The following WBP4 variants were observed in gnomAD, a reference collection of about 807,000 sequenced individuals.
WBP4 encodes the protein WW domain binding protein 4.
In WBP4, 37 loss-of-function variants were observed where a neutral mutation model predicts 55.4. The ratio of observed to expected loss-of-function variants is 0.67; its 90% CI spans 0.51 to 0.88. The LOEUF (loss-of-function observed/expected upper bound fraction) is 0.88. Ranked by LOEUF, WBP4 falls within the 40% of genes least tolerant of loss-of-function variation. The pLI, the probability that WBP4 is intolerant of heterozygous loss-of-function variation, is 0.00. For synonymous variants in WBP4, 142 were observed against 140.2 expected, an observed-to-expected ratio of 1.01 and a Z score of -0.09; for missense variants, 398 against 420.8, an observed-to-expected ratio of 0.95 and a Z score of 0.47.
chr13:41,061,970 C>A, intron 1 of WBP4: 2 of 908,516 alleles, frequency 2.2e-6, no homozygotes, highest in Non-Finnish European at 2.6e-6. Context: ...CTCTCTACGA[C>A]GCTGTCGGGG....
intron 8 of WBP4, among the ~76,000 whole-genome samples, chr13:41,076,533 G>C (rs1004987513): frequency 6.6e-6 from 1 of 151,810 alleles, no homozygotes; most frequent in African/African-American, 2.4e-5. Flanking sequence ...TACTTGCCTC[G>C]GCGTCCCAAA....
At chr13:41,065,581 T>A (rs1326121426) in intron 4 of WBP4, among the ~76,000 whole-genome samples, 2 of 152,164 alleles carry the variant, frequency 1.3e-5, no homozygotes, top group Non-Finnish European at 2.9e-5. Flanking sequence ...CACTTTGAGT[T>A]TTTTAGGTAT....
In WBP4 at chr13:41,063,572, C is replaced by A. The variant is rs118099019; in HGVS notation, c.75+856C>A. On this transcript the variant is annotated intron_variant, in intron 2 of 9. Coordinates refer to ENST00000379487, the MANE Select transcript of WBP4 (RefSeq NM_007187.5). Reference sequence around the variant, plus strand: ...AAATAAATACCATGAATTTTTAAAACCACACAGGTCACTTAAAGTCTCTCT... The same window carrying A: ...AAATAAATACCATGAATTTTTAAAAACACACAGGTCACTTAAAGTCTCTCT... Among the ~76,000 whole-genome samples, 418 of 152,138 alleles carry A rather than the reference C, an allele frequency of 2.7e-3. 8 individuals are homozygous for A. The East Asian group carries it at 0.049, about 18-fold the overall frequency.
Position 41,065,289 on chromosome 13 carries a change from T to TAAA in WBP4, c.262+21_262+23dup, listed in dbSNP as rs58699334. Reference sequence around the variant, plus strand: ...TGAAAAGACTTGGCTTAGAGTCAGGTAAAAAAAAAAAAAAAAAAAAAGCAG... The same window carrying TAAA: ...TGAAAAGACTTGGCTTAGAGTCAGGTAAAAAAAAAAAAAAAAAAAAAAAAGCAG... On this transcript the variant is annotated splice_region_variant and intron_variant, in intron 4 of 9. Transcript: ENST00000379487. The TAAA allele has an allele frequency of 0.048, 57,918 of 1,198,040 alleles. 1,262 individuals carry two copies. Among genetic ancestry groups the TAAA allele is most frequent in the African/African-American group, 0.082 (3,738 of 45,648 alleles). The allele number at this position is 1,198,040 out of a possible 1,614,324, so 74.2% of individuals were successfully genotyped here.
At chr13:41,064,362 A>G (rs891439507) in intron 2 of WBP4, among the ~76,000 whole-genome samples, 5 of 152,132 alleles carry the variant, frequency 3.3e-5, no homozygotes, top group African/African-American at 1.2e-4. Context: ...TGTGTATATC[A>G]TGATTTTGTA....
intron 7 of WBP4, among the ~76,000 whole-genome samples, chr13:41,074,649 C>T (rs1212923713): frequency 3.3e-5 from 5 of 152,164 alleles, no homozygotes; most frequent in Non-Finnish European, 7.3e-5. Flanking sequence ...TCATGAATGT[C>T]ATATGTCATA....
At chr13:41,067,468 C>T (rs2138464476) in intron 4 of WBP4, among the ~76,000 whole-genome samples, 1 of 152,160 alleles carries the variant, frequency 6.6e-6, no homozygotes, top group African/African-American at 2.4e-5. Context: ...ATTGTTTGAG[C>T]CCAGGAGTTC....
rs552598042 is a variant in WBP4 at position 41,079,612 on chromosome 13, T to C, written c.757-1034T>C. 7.3e-5 allele frequency among the ~76,000 whole-genome samples: 11 copies of C among 150,846 alleles called. No homozygotes were observed. In the East Asian group the frequency reaches 7.8e-4, roughly 11 times the overall value. On this transcript the variant is annotated intron_variant, in intron 8 of 9. Transcript: ENST00000379487. ...GGATGCAGAGAAAGGGAAACACTTA[T>C]ACACTTACTGAGAATGTATGTTGGT...
intron 8 of WBP4, among the ~76,000 whole-genome samples, chr13:41,078,786 C>T (rs371882891): frequency 8.6e-5 from 13 of 151,658 alleles, no homozygotes; most frequent in African/African-American, 2.4e-4. Flanking sequence ...AAGATCGTGC[C>T]GTTGCATTCC....
intron 4 of WBP4, among the ~76,000 whole-genome samples, chr13:41,068,015 TTC>T: frequency 6.6e-6 from 1 of 152,260 alleles, no homozygotes; most frequent in South Asian, 2.1e-4. Context: ...TCTAAAAACT[TTC>T]TTTTTAAGCA....
At position 41,068,710 on chromosome 13, in the gene WBP4, CA is replaced by C; in HGVS notation, c.413del (p.His138LeufsTer23). ...WVEGITSEGY[H>X]YYYDLISGAS... Reference sequence around the variant, plus strand: ...AGAAGGCATAACCTCTGAGGGTTACCATTACTATTATGATCTTATCTCAGGA... The same window carrying C: ...AGAAGGCATAACCTCTGAGGGTTACCTTACTATTATGATCTTATCTCAGGA... On this transcript the variant is annotated frameshift_variant, in exon 5 of 10. Coordinates refer to ENST00000379487, the MANE Select transcript of WBP4 (RefSeq NM_007187.5). LOFTEE classifies it high-confidence loss of function. 1 of 1,608,286 alleles carries C rather than the reference CA, an allele frequency of 6.2e-7. No individual in the cohort carries two copies. The highest frequency in any genetic ancestry group is 8.5e-7 in the Non-Finnish European group (1 of 1,177,930).
rs58699334 is a variant in WBP4, at chr13:41,065,289, T to TA, written c.262+23dup. ...TGAAAAGACTTGGCTTAGAGTCAGG[T>TA]AAAAAAAAAAAAAAAAAAAAAGCAG... On this transcript the variant is annotated splice_region_variant and intron_variant, in intron 4 of 9. Coordinates refer to ENST00000379487, the MANE Select transcript of WBP4 (RefSeq NM_007187.5). 24,594 of 1,243,866 alleles carry TA rather than the reference T, an allele frequency of 0.02. 59 individuals carry two copies. Among genetic ancestry groups the TA allele is most frequent in the African/African-American group, 0.027 (1,233 of 46,232 alleles). 77.1% of individuals were successfully genotyped at this position (1,243,866 alleles called of 1,614,324 possible).
intron 3 of WBP4, 24 bp downstream of exon 3, chr13:41,065,102 A>G (rs780731188): frequency 1.2e-6 from 2 of 1,600,552 alleles, no homozygotes; most frequent in East Asian, 2.2e-5. Flanking sequence ...TTTATTTGCT[A>G]ATTTTTCTAT....
intron 8 of WBP4, among the ~76,000 whole-genome samples, chr13:41,077,144 C>T (rs1811706981): frequency 6.6e-6 from 1 of 151,994 alleles, no homozygotes; most frequent in Non-Finnish European, 1.5e-5. Flanking sequence ...TGCTTTATTC[C>T]AGGGATGAAA....
intron 4 of WBP4, among the ~76,000 whole-genome samples, chr13:41,067,972 C>G (rs936421685): frequency 3.3e-5 from 5 of 151,966 alleles, no homozygotes; most frequent in Admixed American, 2.0e-4. Context: ...TGGGGAACAG[C>G]TTTACTTTTT....
intron 2 of WBP4, among the ~76,000 whole-genome samples, chr13:41,064,746 A>G (rs1336196685): frequency 1.3e-5 from 2 of 152,108 alleles, no homozygotes; most frequent in African/African-American, 4.8e-5. Flanking sequence ...TTAGTCATCA[A>G]GGGTACCTTG....
chr13:41,072,785 G>A lies in WBP4; in HGVS notation c.490G>A (p.Ala164Thr), dbSNP rs929025671. 1.2e-6 allele frequency: 2 copies of A among 1,613,100 alleles called. No homozygotes were observed. The highest frequency in any genetic ancestry group is 1.3e-5 in the African/African-American group (1 of 74,854). ...EGFQGDLKKT[A>T]VKTVWVEGLS... Reference sequence around the variant, plus strand: ...TGGGTTTTTTTCCTCCTATTAGACAGCAGTGAAGACCGTTTGGGTAGAAGG... The same window carrying A: ...TGGGTTTTTTTCCTCCTATTAGACAACAGTGAAGACCGTTTGGGTAGAAGG... The change falls in exon 7 of 10, where the codon GCA (alanine) becomes ACA (threonine). Residue 164 changes from alanine to threonine, a missense_variant. Transcript: ENST00000379487.
At position 41,076,250 on chromosome 13, in the gene WBP4, A is replaced by G; in HGVS notation, c.756+13A>G. 1 of 1,514,570 alleles carries G rather than the reference A, an allele frequency of 6.6e-7. No individual in the cohort carries two copies. 93.8% of individuals were successfully genotyped at this position (1,514,570 alleles called of 1,614,324 possible). A position where few individuals can be genotyped will look rare whatever the true frequency, so the allele number is the denominator to read the frequency against. On this transcript the variant is annotated intron_variant, in intron 8 of 9. Coordinates refer to ENST00000379487, the MANE Select transcript of WBP4 (RefSeq NM_007187.5). ...AATAAAGTTTAAGGTAGGTTTTTAAATTTTACTCTTCACATCAAATTTTTT... is the reference window on the plus strand; with the variant it reads ...AATAAAGTTTAAGGTAGGTTTTTAAGTTTTACTCTTCACATCAAATTTTTT...
At chr13:41,081,698 C>T (rs2138486794) in intron 9 of WBP4, among the ~76,000 whole-genome samples, 1 of 152,142 alleles carries the variant, frequency 6.6e-6, no homozygotes, top group East Asian at 1.9e-4. Context: ...CCTATAAGCC[C>T]AGTACCTTGG....
Sources: allele counts gnomAD v4.1 joint callset (sites outside exome capture counted in the v4.1 genomes callset), GRCh38; gene constraint gnomAD v4.1.1; transcripts MANE v1.5; gene names NCBI Gene and HGNC (gene_info 2026-07-23, HGNC 2026-07-21).